The following THSD4 variants were observed in gnomAD, a reference collection of about 807,000 sequenced individuals.
THSD4 encodes thrombospondin type 1 domain containing 4, also known as thrombospondin type-1 domain-containing protein 4.
THSD4 carries 69 observed loss-of-function variants against 119.0 expected under a neutral mutation model. That is an observed-to-expected ratio of 0.58 (90% CI 0.48 to 0.71). The LOEUF (loss-of-function observed/expected upper bound fraction) is 0.71, where lower values mean the gene tolerates loss of function less well. Among genes scored for constraint, THSD4 ranks in the 30% least tolerant of loss-of-function variants. The pLI is 0.00. For missense variants in THSD4, 1,393 were observed against 1,391.1 expected (o/e 1.00, Z -0.02); for synonymous variants, 524 against 540.4 (o/e 0.97, Z 0.42).
At chr15:71,370,320 C>T (rs2046026967) in intron 6 of THSD4, among the ~76,000 whole-genome samples, 1 of 152,144 alleles carries the variant, frequency 6.6e-6, no homozygotes, top group Non-Finnish European at 1.5e-5. Context: ...TTGCCTTCTG[C>T]TAGCTTTTGA....
intron 8 of THSD4, among the ~76,000 whole-genome samples, chr15:71,682,999 C>G (rs1391153749): frequency 2.0e-5 from 3 of 146,476 alleles, no homozygotes; most frequent in East Asian, 4.1e-4. Context: ...TGGCTCACTG[C>G]AGCCTCAACC....
intron 3 of THSD4, among the ~76,000 whole-genome samples, chr15:71,192,437 C>T (rs566221310): frequency 1.3e-5 from 2 of 152,040 alleles, no homozygotes; most frequent in African/African-American, 2.4e-5. Flanking sequence ...TGTGCGCCAA[C>T]ACGCCTGGAT....
chr15:71,392,545 T>C (rs1234385257), intron 6 of THSD4, among the ~76,000 whole-genome samples: 5 of 152,238 alleles, frequency 3.3e-5, no homozygotes, highest in Admixed American at 6.5e-5. Flanking sequence ...GATTCTCCAG[T>C]GTGCTAGGTA....
intron 14 of THSD4, among the ~76,000 whole-genome samples, chr15:71,752,369 T>A (rs1441681571): frequency 6.6e-6 from 1 of 152,262 alleles, no homozygotes; most frequent in Non-Finnish European, 1.5e-5. Context: ...GAATCTAGCT[T>A]GGCTTAAAAT....
intron 7 of THSD4, among the ~76,000 whole-genome samples, chr15:71,490,010 C>T (rs181006216): frequency 6.6e-6 from 1 of 152,310 alleles, no homozygotes; most frequent in Non-Finnish European, 1.5e-5. Flanking sequence ...TCTAAACCTA[C>T]AGTTTTGTGT....
At chr15:71,442,667 T>TATATATAC (rs2047124178) in intron 7 of THSD4, among the ~76,000 whole-genome samples, 1 of 82,338 alleles carries the variant, frequency 1.2e-5, no homozygotes, top group African/African-American at 4.5e-5. Context: ...TGTGTATATA[T>TATATATAC]ATATATATAT....
chr15:71,199,636 G>GTGTA (rs2043760709), intron 3 of THSD4, among the ~76,000 whole-genome samples: 1 of 140,414 alleles, frequency 7.1e-6, no homozygotes, highest in African/African-American at 2.8e-5. Context: ...TGGTGTGTGT[G>GTGTA]GTGTGTGTGT....
intron 7 of THSD4, among the ~76,000 whole-genome samples, chr15:71,519,568 G>A (rs1376703542): frequency 6.6e-6 from 1 of 152,140 alleles, no homozygotes; most frequent in South Asian, 2.1e-4. Context: ...CACCGTGTTG[G>A]CCAGGTTGGT....
intron 4 of THSD4, among the ~76,000 whole-genome samples, chr15:71,225,539 C>CTTTTTTTTTTTTTTTTTTTTTT (rs1040381361): frequency 1.9e-5 from 2 of 105,384 alleles, no homozygotes; most frequent in Non-Finnish European, 2.0e-5. Flanking sequence ...TTTTCTTTTT[C>CTTTTTTTTTTTTTTTTTTTTTT]TTTTTTTTTT....
chr15:71,704,060 G>A (rs1456825688), intron 8 of THSD4, among the ~76,000 whole-genome samples: 1 of 152,114 alleles, frequency 6.6e-6, no homozygotes, highest in African/African-American at 2.4e-5. Flanking sequence ...ATGTTAGCCA[G>A]AATGGTCTCA....
intron 3 of THSD4, among the ~76,000 whole-genome samples, chr15:71,195,096 G>C (rs966234881): frequency 2.0e-5 from 3 of 152,182 alleles, no homozygotes; most frequent in Non-Finnish European, 4.4e-5. Context: ...GCAAGGCCTC[G>C]TGTTAATTCA....
intron 6 of THSD4, among the ~76,000 whole-genome samples, chr15:71,367,788 G>C (rs538082034): frequency 6.6e-6 from 1 of 152,140 alleles, no homozygotes; most frequent in Admixed American, 6.5e-5. Flanking sequence ...TAATGCTTTG[G>C]CTATATACAC....
intron 10 of THSD4, chr15:71,732,633 A>G (rs116954085): frequency 6.6e-6 from 1 of 152,228 alleles, no homozygotes; most frequent in Admixed American, 6.5e-5. Flanking sequence ...CTCATGACAG[A>G]GGGAGGTACT....
intron 5 of THSD4, among the ~76,000 whole-genome samples, chr15:71,250,070 C>G (rs1189554254): frequency 6.6e-6 from 1 of 152,222 alleles, no homozygotes; most frequent in African/African-American, 2.4e-5. Context: ...ACATTCCTTT[C>G]CATGCATTAT....
At chr15:71,542,070 A>G (rs536861300) in intron 7 of THSD4, among the ~76,000 whole-genome samples, 42 of 152,362 alleles carry the variant, frequency 2.8e-4, no homozygotes, top group South Asian at 1.0e-3. Flanking sequence ...TGTTTGAATT[A>G]ATAAATATAT....
chr15:71,111,749 G>A (rs866553946), upstream of THSD4: 30 of 523,558 alleles, frequency 5.7e-5, no homozygotes, highest in Middle Eastern at 9.9e-4. Context: ...TGCTAGCAAC[G>A]TAGGGAATTA....
intron 7 of THSD4, among the ~76,000 whole-genome samples, chr15:71,587,787 T>TAAAAAAAAA (rs1207231444): frequency 1.9e-5 from 2 of 105,570 alleles, no homozygotes; most frequent in Non-Finnish European, 3.9e-5. Flanking sequence ...AAAAAAAAAT[T>TAAAAAAAAA]AAAAAAAAAA....
intron 6 of THSD4, among the ~76,000 whole-genome samples, chr15:71,353,794 A>C (rs1308723659): frequency 6.6e-6 from 1 of 152,252 alleles, no homozygotes; most frequent in Admixed American, 6.5e-5. Flanking sequence ...TAAGAATCAG[A>C]CTTGGTGTTC....
chr15:71,627,942 G>A (rs1391193890), intron 7 of THSD4, among the ~76,000 whole-genome samples: 1 of 152,182 alleles, frequency 6.6e-6, no homozygotes, highest in Admixed American at 6.5e-5. Context: ...GTTCACATAT[G>A]GACAACCTGA....
Sources: gnomAD v4.1 joint callset for allele counts (sites outside exome capture counted in the v4.1 genomes callset) on GRCh38, gnomAD v4.1.1 for gene constraint, MANE v1.5 for transcripts, NCBI Gene and HGNC (gene_info 2026-07-23, HGNC 2026-07-21) for gene names.